The following DMD variants were observed in gnomAD, a reference collection of about 807,000 sequenced individuals.
DMD encodes the protein dystrophin.
In DMD, 63 loss-of-function variants were observed where a neutral mutation model predicts 330.1. That is an observed-to-expected ratio of 0.19 (90% CI 0.16 to 0.24). DMD has a LOEUF of 0.24. Among genes scored for constraint, DMD ranks in the 10% least tolerant of loss-of-function variants. The pLI, the probability that DMD is intolerant of heterozygous loss-of-function variation, is 1.00. For synonymous variants in DMD, 1,223 were observed against 959.8 expected, an observed-to-expected ratio of 1.27 and a Z score of -5.07; for missense variants, 3,344 against 2,684.1, an observed-to-expected ratio of 1.25 and a Z score of -5.43.
chrX:32,573,580 T>C lies in DMD; in HGVS notation c.1762A>G (p.Thr588Ala), dbSNP rs1569229278. The C allele has an allele frequency of 8.3e-7, 1 of 1,212,061 alleles. No individual in the cohort carries two copies. Among genetic ancestry groups the C allele is most frequent in the Non-Finnish European group, 1.1e-6 (1 of 895,528 alleles). ...KEDAVNKIHT[T>A]GFKDQNEMLS... ...ATTTCATTTTGATCTTTAAAGCCAG[T>C]TGTGTGAATCTTGTTCACTGCATCT... Residue 588 changes from threonine (T) to alanine (A), a missense_variant, in exon 15 of 79, where the codon ACT (threonine) becomes GCT (alanine). Physicochemically the swap from Thr to Ala is moderately conservative, Grantham distance 58 (BLOSUM62 0). Coordinates refer to ENST00000357033, the MANE Select transcript of DMD (RefSeq NM_004006.3).
chrX:32,351,813 A>T (rs2097782654), intron 37 of DMD, among the ~76,000 whole-genome samples: 1 of 110,351 alleles, frequency 9.1e-6, no homozygotes, highest in African/African-American at 3.3e-5. Flanking sequence ...TGCTGCCCAA[A>T]TGCTAAGCAA....
chrX:32,419,857 C>T (rs950278361), intron 29 of DMD, among the ~76,000 whole-genome samples: 1 of 101,879 alleles, frequency 9.8e-6, no homozygotes, highest in African/African-American at 4.1e-5. Flanking sequence ...CATCAGATAG[C>T]CATCACTTTC....
chrX:32,178,164 A>G (rs2096912638), intron 44 of DMD, among the ~76,000 whole-genome samples: 2 of 103,744 alleles, frequency 1.9e-5, no homozygotes, highest in Admixed American at 2.2e-4. Flanking sequence ...CCTTATGGCC[A>G]GAACATTCTC....
intron 55 of DMD, among the ~76,000 whole-genome samples, chrX:31,619,780 A>G (rs1054120349): frequency 1.8e-5 from 2 of 112,197 alleles, no homozygotes; most frequent in African/African-American, 6.5e-5. Context: ...AACATCCAGA[A>G]GTAGGTTTTA....
intron 1 of DMD, among the ~76,000 whole-genome samples, chrX:33,279,246 G>T (rs922268530): frequency 1.8e-4 from 20 of 111,968 alleles, no homozygotes; most frequent in African/African-American, 6.5e-4. Flanking sequence ...AATAAAAATA[G>T]AAATCAATAC....
chrX:31,349,300 G>C (rs1233921139), intron 60 of DMD, among the ~76,000 whole-genome samples: 1 of 112,064 alleles, frequency 8.9e-6, no homozygotes, highest in Non-Finnish European at 1.9e-5. Flanking sequence ...AAATTAGTCA[G>C]GTGTGGTGGC....
intron 44 of DMD, among the ~76,000 whole-genome samples, chrX:32,213,765 G>A (rs187895555): frequency 1.8e-5 from 2 of 111,127 alleles, no homozygotes; most frequent in Admixed American, 9.6e-5. Flanking sequence ...ACCTGAGGTC[G>A]GAGATCTAGA....
intron 44 of DMD, among the ~76,000 whole-genome samples, chrX:32,113,569 C>T (rs2096597846): frequency 9.0e-6 from 1 of 111,551 alleles, no homozygotes; most frequent in Non-Finnish European, 1.9e-5. Context: ...TTTTCCATGC[C>T]CTATTTCCAG....
At chrX:31,433,564 C>T (rs757667124) in intron 60 of DMD, among the ~76,000 whole-genome samples, 1 of 107,725 alleles carries the variant, frequency 9.3e-6, no homozygotes, top group African/African-American at 3.4e-5. Flanking sequence ...TCAAGTGGTT[C>T]TCCTGCCTCA....
chrX:31,694,653 C>T (rs867102373), intron 52 of DMD, among the ~76,000 whole-genome samples: 1,186 of 68,742 alleles, frequency 0.017, 32 homozygotes, highest in African/African-American at 0.069. Context: ...TATATATACA[C>T]ACACATATAT....
At chrX:31,416,048 A>G (rs1396068826) in intron 60 of DMD, among the ~76,000 whole-genome samples, 1 of 112,368 alleles carries the variant, frequency 8.9e-6, no homozygotes, top group Non-Finnish European at 1.9e-5. Context: ...TGGTGTTACA[A>G]TATCTGTAAT....
At chrX:32,120,494 T>G (rs2096630214) in intron 44 of DMD, among the ~76,000 whole-genome samples, 1 of 112,161 alleles carries the variant, frequency 8.9e-6, no homozygotes, top group African/African-American at 3.2e-5. Flanking sequence ...AGACACTGAT[T>G]CAGTAGGTTT....
chrX:32,519,613 T>A (rs1171737145), intron 17 of DMD, among the ~76,000 whole-genome samples: 2 of 112,040 alleles, frequency 1.8e-5, no homozygotes, highest in African/African-American at 6.5e-5. Context: ...ATATTTTCAC[T>A]TCAATATTAG....
At chrX:32,400,831 G>C (rs1356922377) in intron 30 of DMD, among the ~76,000 whole-genome samples, 1 of 108,113 alleles carries the variant, frequency 9.2e-6, no homozygotes, top group African/African-American at 3.4e-5. Flanking sequence ...CCATTACTGG[G>C]TATATACCCA....
At chrX:32,042,128 TAC>T (rs2096012887) in intron 44 of DMD, among the ~76,000 whole-genome samples, 3 of 73,482 alleles carry the variant, frequency 4.1e-5, no homozygotes, top group African/African-American at 1.6e-4. Flanking sequence ...CACATATGTA[TAC>T]ATATATACAT....
At chrX:32,099,659 G>A (rs749855964) in intron 44 of DMD, among the ~76,000 whole-genome samples, 8 of 101,042 alleles carry the variant, frequency 7.9e-5, no homozygotes, top group East Asian at 3.3e-4. Context: ...ACCAAACAGC[G>A]CATGTTCTCA....
intron 30 of DMD, among the ~76,000 whole-genome samples, chrX:32,394,927 A>ACAAAC (rs2098032751): frequency 1.1e-5 from 1 of 90,774 alleles, no homozygotes; most frequent in African/African-American, 3.8e-5. Context: ...AAAAAAAAAA[A>ACAAAC]AAAAAAGAAA....
In DMD at chrX:32,240,837, G is replaced by C. The variant is rs763895603; in HGVS notation, c.6291-23774C>G. Among the ~76,000 whole-genome samples, 5 of 111,699 alleles carry C rather than the reference G, an allele frequency of 4.5e-5. No individual in the cohort carries two copies. In the East Asian group the frequency reaches 1.4e-3, roughly 32 times the overall value. On this transcript the variant is annotated intron_variant, in intron 43 of 78. Transcript: ENST00000357033. Reference sequence around the variant, plus strand: ...CGTCTGCTGGGATGAGAGAGGAGTAGTGTCTAATTAACTACCCTGAGCTGG... The same window carrying C: ...CGTCTGCTGGGATGAGAGAGGAGTACTGTCTAATTAACTACCCTGAGCTGG...
chrX:32,452,304 G>GAAAGT lies in DMD; in HGVS notation c.3603+2357_3603+2358insACTTT, dbSNP rs2098333202. On this transcript the variant is annotated intron_variant, in intron 26 of 78. Transcript: ENST00000357033. Reference sequence around the variant, plus strand: ...AAAAGAAAGGAAAGGAAAAGGAAAGGGAAAGTGAAAGTGAAAGTGAAAGTG... The same window carrying GAAAGT: ...AAAAGAAAGGAAAGGAAAAGGAAAGGAAAGTGAAAGTGAAAGTGAAAGTGAAAGTG... Among the ~76,000 whole-genome samples the GAAAGT allele has an allele frequency of 2.9e-4, 7 of 23,794 alleles. 1 individual carries two copies. The highest frequency in any genetic ancestry group is 4.1e-4 in the African/African-American group (2 of 4,889). 20.7% of individuals were successfully genotyped at this position (23,794 alleles called of 115,157 possible).
Sources: gnomAD v4.1 joint callset for allele counts (sites outside exome capture counted in the v4.1 genomes callset) on GRCh38, gnomAD v4.1.1 for gene constraint, MANE v1.5 for transcripts, NCBI Gene and HGNC (gene_info 2026-07-23, HGNC 2026-07-21) for gene names.